Variants in FBXO31 observed in about 807,000 individuals in gnomAD.
The protein encoded by FBXO31 is F-box protein 31.
In FBXO31, 24 loss-of-function variants were observed where a neutral mutation model predicts 54.4. The ratio of observed to expected loss-of-function variants is 0.44; its 90% CI spans 0.32 to 0.62. The LOEUF is 0.62. Among genes scored for constraint, FBXO31 ranks in the 20% least tolerant of loss-of-function variants. The probability of loss-of-function intolerance (pLI) is 0.05; values close to 1 mark genes in which losing one functional copy is unlikely to be tolerated. For synonymous variants in FBXO31, 388 were observed against 335.6 expected (o/e 1.16, Z -1.71); for missense variants, 665 against 787.1 (o/e 0.84, Z 1.86).
rs55746745 is a variant in FBXO31, at chr16:87,365,010, A to AATATATATATATATATATATATATATAT, written c.341-4672_341-4645dup. Among the ~76,000 whole-genome samples, 143 of 47,612 alleles carry AATATATATATATATATATATATATATAT rather than the reference A, an allele frequency of 3.0e-3. 5 individuals carry two copies. Among genetic ancestry groups the AATATATATATATATATATATATATATAT allele is most frequent in the East Asian group, 7.0e-3 (8 of 1,136 alleles). 31.2% of individuals were successfully genotyped at this position (47,612 alleles called of 152,430 possible). On this transcript the variant is annotated intron_variant, in intron 1 of 8. Transcript: ENST00000311635. Reference sequence around the variant, plus strand: ...TGACAGAGCGAGACCCCGTCTCTTAAATATATATATATATATATATATATA... The same window carrying AATATATATATATATATATATATATATAT: ...TGACAGAGCGAGACCCCGTCTCTTAAATATATATATATATATATATATATATATATATATATATATATATATATATATA...
intron 2 of FBXO31, among the ~76,000 whole-genome samples, chr16:87,353,712 C>T (rs8058962): frequency 2.7e-4 from 40 of 149,178 alleles, no homozygotes; most frequent in African/African-American, 9.5e-4. Context: ...GACCCTTCGG[C>T]GGGAGCAGGG....
intron 8 of FBXO31, among the ~76,000 whole-genome samples, chr16:87,331,779 C>T (rs893393166): frequency 4.6e-5 from 7 of 152,196 alleles, no homozygotes; most frequent in East Asian, 3.9e-4. Context: ...GGGGGATGGG[C>T]GCTGACTCGC....
In FBXO31 at chr16:87,335,562, A is replaced by T. The variant is rs1905023224; in HGVS notation, c.843-105T>A. On this transcript the variant is annotated intron_variant, in intron 6 of 8. Transcript: ENST00000311635. The surrounding 1 kb of genome is among the most constrained non-coding windows in gnomAD (Gnocchi z 5.7). ...CTTTGCAGGGCGGGGTAGGGCGGGCAGCTCAGCTCAACCAGGGCCAGGTGT... is the reference window on the plus strand; with the variant it reads ...CTTTGCAGGGCGGGGTAGGGCGGGCTGCTCAGCTCAACCAGGGCCAGGTGT... 8.7e-7 allele frequency: 1 copy of T among 1,151,730 alleles called. No individual in the cohort carries two copies. The highest frequency in any genetic ancestry group is 1.2e-6 in the Non-Finnish European group (1 of 821,420). 71.3% of individuals were successfully genotyped at this position (1,151,730 alleles called of 1,614,324 possible).
Position 87,383,775 on chromosome 16 carries a change from G to A in FBXO31, c.-31C>T, listed in dbSNP as rs1907199758. ...CCAGTGACGGCCACTGCTGCCGCCT[G>A]TGCGCACGCTCCAGCGCGGCCCCGC... On this transcript the variant is annotated 5_prime_UTR_variant, in exon 1 of 9. Transcript: ENST00000311635. This position sits in a 1 kb window ranked among gnomAD's most constrained non-coding sequence, Gnocchi z 4.9. 2 of 1,181,320 alleles carry A rather than the reference G, an allele frequency of 1.7e-6. No individual in the cohort carries two copies. Among genetic ancestry groups the A allele is most frequent in the South Asian group, 4.1e-5 (1 of 24,486 alleles). The allele number at this position is 1,181,320 out of a possible 1,614,324, so 73.2% of individuals were successfully genotyped here.
At chr16:87,350,012 C>G (rs75486541) in intron 2 of FBXO31, among the ~76,000 whole-genome samples, 1 of 152,064 alleles carries the variant, frequency 6.6e-6, no homozygotes, top group East Asian at 1.9e-4. Context: ...TCCCATCACT[C>G]AGAGACCACA....
chr16:87,333,775 G>A (rs12918167), intron 8 of FBXO31, 111 bp downstream of exon 8: 26,995 of 1,470,570 alleles, frequency 0.018, 313 homozygotes, highest in Non-Finnish European at 0.021. Flanking sequence ...ACCGGCTGCC[G>A]CCCTCTGTGA....
upstream of FBXO31, chr16:87,383,833 A>G (rs1452749324): frequency 1.1e-6 from 1 of 942,822 alleles, no homozygotes; most frequent in East Asian, 5.5e-5. This position sits in a 1 kb window ranked among gnomAD's most constrained non-coding sequence, Gnocchi z 4.9. Context: ...CCCGCCGCAG[A>G]GCTCGCCACG....
At chr16:87,352,763 T>A (rs993956919) in intron 2 of FBXO31, among the ~76,000 whole-genome samples, 4 of 152,214 alleles carry the variant, frequency 2.6e-5, no homozygotes, top group African/African-American at 9.6e-5. Context: ...AAAGAAGGCA[T>A]CTATCTGCCC....
chr16:87,342,197 C>G (rs1303019901), intron 5 of FBXO31, among the ~76,000 whole-genome samples: 2 of 152,188 alleles, frequency 1.3e-5, no homozygotes, highest in Non-Finnish European at 2.9e-5. Flanking sequence ...TCCTGAGTAG[C>G]TGGCATGCCA....
At chr16:87,356,988 G>A (rs994126154) in intron 2 of FBXO31, among the ~76,000 whole-genome samples, 1 of 152,140 alleles carries the variant, frequency 6.6e-6, no homozygotes, top group Non-Finnish European at 1.5e-5. Flanking sequence ...GGCTACACCT[G>A]CAATCCCAAC....
At chr16:87,383,815 G>T, upstream of FBXO31, 1 of 1,070,922 alleles carries the variant, frequency 9.3e-7, no homozygotes, top group Non-Finnish European at 1.2e-6. The surrounding 1 kb of genome is among the most constrained non-coding windows in gnomAD (Gnocchi z 4.9). Context: ...CCAGCGCCGA[G>T]CCACGCCCCC....
Position 87,348,454 on chromosome 16 carries a change from C to T in FBXO31, c.413-1204G>A, listed in dbSNP as rs151117255. On this transcript the variant is annotated intron_variant, in intron 2 of 8. Coordinates refer to ENST00000311635, the MANE Select transcript of FBXO31 (RefSeq NM_024735.5). ...TGGGGGAGAAGGTGGCACCCAGTGACCTTCCCTGAACACGCCTGGGCCCCC... is the reference window on the plus strand; with the variant it reads ...TGGGGGAGAAGGTGGCACCCAGTGATCTTCCCTGAACACGCCTGGGCCCCC... 5.6e-4 allele frequency among the ~76,000 whole-genome samples: 86 copies of T among 152,290 alleles called. 1 individual carries two copies. Among genetic ancestry groups the T allele is most frequent in the African/African-American group, 1.8e-3 (73 of 41,554 alleles).
intron 1 of FBXO31, chr16:87,367,860 C>G (rs896218539): frequency 1.3e-5 from 2 of 152,206 alleles, no homozygotes; most frequent in African/African-American, 2.4e-5. Flanking sequence ...CAATACTGTT[C>G]CTGAGGCAGT....
intron 2 of FBXO31, among the ~76,000 whole-genome samples, chr16:87,354,855 C>A (rs1289074751): frequency 6.6e-6 from 1 of 152,162 alleles, no homozygotes; most frequent in African/African-American, 2.4e-5. Context: ...GTAATCCCAG[C>A]TACTCAAGAG....
chr16:87,345,412 C>T lies in FBXO31; in HGVS notation c.490-1647G>A, dbSNP rs548077859. On this transcript the variant is annotated intron_variant, in intron 3 of 8. Coordinates refer to ENST00000311635, the MANE Select transcript of FBXO31 (RefSeq NM_024735.5). The surrounding 1 kb of genome is among the most constrained non-coding windows in gnomAD (Gnocchi z 4.9). ...TGCAGACTCCATGCAGACACTGGCA[C>T]CACGCAGAGCCCGCAGAGCACCACC... is the stretch of plus-strand genomic sequence containing the variant. 7.9e-5 allele frequency among the ~76,000 whole-genome samples: 12 copies of T among 152,262 alleles called. No individual in the cohort carries two copies. Among genetic ancestry groups the T allele is most frequent in the Middle Eastern group, 3.4e-3 (1 of 294 alleles).
intron 7 of FBXO31, among the ~76,000 whole-genome samples, chr16:87,334,872 C>A (rs1381097489): frequency 6.6e-6 from 1 of 152,206 alleles, no homozygotes; most frequent in South Asian, 2.1e-4. Flanking sequence ...TCAGGCCACT[C>A]CAAGGAGAGG....
chr16:87,389,015 A>G (rs932091419), intron 1 of FBXO31, among the ~76,000 whole-genome samples: 18 of 152,228 alleles, frequency 1.2e-4, no homozygotes, highest in Non-Finnish European at 2.5e-4. Flanking sequence ...TCACTACTAT[A>G]TTAAATTTCT....
upstream of FBXO31, among the ~76,000 whole-genome samples, chr16:87,384,912 C>T (rs1469271592): frequency 6.7e-6 from 1 of 148,892 alleles, no homozygotes; most frequent in Non-Finnish European, 1.5e-5. Flanking sequence ...CGGTGGCTCA[C>T]GTCTGTAATC....
Position 87,360,324 on chromosome 16 carries a change from C to T in FBXO31, c.383G>A (p.Gly128Asp), listed in dbSNP as rs774833866. 1.2e-6 allele frequency: 2 copies of T among 1,614,230 alleles called. No homozygotes were observed. Among genetic ancestry groups the T allele is most frequent in the Non-Finnish European group, 1.7e-6 (2 of 1,180,042 alleles). Residue 128 changes from glycine (G) to aspartate (D), a missense_variant, in exon 2 of 9, where the codon GGC (glycine) becomes GAC (aspartate). By Grantham distance (94) the Gly-to-Asp change is moderately conservative. This residue lies in a region of FBXO31 where 234 missense variants were observed against 346.8 expected (regional missense o/e 0.67). Transcript: ENST00000311635. ...CGCATAGACGTCCCGACAAGACACG[C>T]CTGTGATCTCCAGCTTCCGCAAGTT... ...CENLRKLEIT[G>D]VSCRDVYAKL...
Sources: gnomAD v4.1 joint callset for allele counts (sites outside exome capture counted in the v4.1 genomes callset) on GRCh38, gnomAD v4.1.1 for gene constraint, gnomAD v4.1.1 regional missense constraint, Gnocchi (gnomAD v3.1) non-coding constraint, MANE v1.5 for transcripts, NCBI Gene and HGNC (gene_info 2026-07-23, HGNC 2026-07-21) for gene names.